Variants in GSDMA observed in about 807,000 individuals in gnomAD.
GSDMA encodes gasdermin A.
Under a neutral mutation model 54.3 loss-of-function variants are expected in GSDMA, and 55 were observed. The ratio of observed to expected loss-of-function variants is 1.01; its 90% confidence interval spans 0.82 to 1.27. GSDMA has a LOEUF of 1.27. Among genes scored for constraint, GSDMA ranks in the 50% most tolerant of loss-of-function variants. The probability of loss-of-function intolerance (pLI) is 0.00; values close to 1 mark genes in which losing one functional copy is unlikely to be tolerated. For missense variants in GSDMA, 542 were observed against 542.6 expected (o/e 1.00, Z 0.01); for synonymous variants, 211 against 224.7 (o/e 0.94, Z 0.54).
rs1433354937 is a variant in GSDMA, at chr17:39,977,077, T to G, written c.*19T>G. The G allele has an allele frequency of 4.3e-6, 7 of 1,613,380 alleles. No individual in the cohort carries two copies. Among genetic ancestry groups the G allele is most frequent in the Non-Finnish European group, 5.9e-6 (7 of 1,179,550 alleles). ...CTCCTAATTTGCCTTTTACGTCTGCTTCATGACTCCCTAATGCCTTCCCAA... is the reference window on the plus strand; with the variant it reads ...CTCCTAATTTGCCTTTTACGTCTGCGTCATGACTCCCTAATGCCTTCCCAA... On this transcript the variant is annotated 3_prime_UTR_variant, in exon 12 of 12. Coordinates refer to ENST00000301659, the MANE Select transcript of GSDMA (RefSeq NM_178171.5).
In GSDMA at chr17:39,966,192, G is replaced by A. The variant is rs966188921; in HGVS notation, c.215-68G>A. 1.3e-5 allele frequency: 20 copies of A among 1,546,196 alleles called. 1 individual carries two copies. In the Middle Eastern group the frequency reaches 6.9e-4, roughly 53 times the overall value. ...TCCTTCCACCTTGGCCTCCCAAAATGCTGGGATTACAGGCATGAGTTACTG... is the reference window on the plus strand; with the variant it reads ...TCCTTCCACCTTGGCCTCCCAAAATACTGGGATTACAGGCATGAGTTACTG... On this transcript the variant is annotated intron_variant, in intron 2 of 11. Coordinates refer to ENST00000301659, the MANE Select transcript of GSDMA (RefSeq NM_178171.5).
intron 2 of GSDMA, 122 bp downstream of exon 2, chr17:39,966,023 AGTC>A: frequency 1.1e-6 from 1 of 927,222 alleles, no homozygotes; most frequent in Non-Finnish European, 1.6e-6. Context: ...TCTAGCCCAA[AGTC>A]ATCATCAGGA....
At position 39,965,694 on chromosome 17, in the gene GSDMA, A is replaced by C; in HGVS notation, c.7A>C (p.Met3Leu). 1.2e-6 allele frequency: 2 copies of C among 1,603,888 alleles called. No individual in the cohort carries two copies. The change falls in exon 2 of 12, where the codon ATG becomes CTG. Residue 3 changes from methionine (M) to leucine (L), a missense_variant. Physicochemically the swap from Met to Leu is conservative, Grantham distance 15 (BLOSUM62 2). Transcript: ENST00000301659. Reference protein sequence around the residue: MTMFENVTRALAR... With the variant: MTLFENVTRALAR... Reference sequence around the variant, plus strand: ...CCCCACCTCCACAGAGACAATGACCATGTTTGAAAATGTCACCCGGGCCCT... The same window carrying C: ...CCCCACCTCCACAGAGACAATGACCCTGTTTGAAAATGTCACCCGGGCCCT...
intron 3 of GSDMA, among the ~76,000 whole-genome samples, chr17:39,966,992 C>G (rs1598302872): frequency 2.0e-5 from 1 of 50,160 alleles, no homozygotes; most frequent in South Asian, 6.8e-4. Flanking sequence ...CTGGGCACCA[C>G]CGGATGTTTG....
chr17:39,965,904 CA>C lies in GSDMA; in HGVS notation c.214+4del, dbSNP rs1271111918. On this transcript the variant is annotated splice_donor_region_variant and intron_variant, in intron 2 of 11. Transcript: ENST00000301659. ...TGAGCCCGGCAGCTCACCTTCAGGT[CA>C]GCCTCAAGCGGGGCTGGGAACTGAG... is the stretch of plus-strand genomic sequence containing the variant. 1 of 1,551,160 alleles carries C rather than the reference CA, an allele frequency of 6.4e-7. No individual in the cohort carries two copies. Among genetic ancestry groups the C allele is most frequent in the Non-Finnish European group, 8.7e-7 (1 of 1,147,376 alleles).
At chr17:39,969,426 A>T (rs1979829373) in intron 3 of GSDMA, among the ~76,000 whole-genome samples, 1 of 152,010 alleles carries the variant, frequency 6.6e-6, no homozygotes, top group East Asian at 1.9e-4. Flanking sequence ...CAGGACTGAG[A>T]ACAGAATCTT....
intron 3 of GSDMA, among the ~76,000 whole-genome samples, chr17:39,968,882 C>A (rs1473460959): frequency 6.6e-6 from 1 of 152,142 alleles, no homozygotes; most frequent in Non-Finnish European, 1.5e-5. Context: ...AGGTGACAAA[C>A]AGGAAGACAC....
chr17:39,972,269 A>G lies in GSDMA; in HGVS notation c.703+93A>G, dbSNP rs2144793486. On this transcript the variant is annotated intron_variant, in intron 6 of 11. Transcript: ENST00000301659. The stretch of plus-strand genomic sequence containing the variant: ...TCCACCCTCTCCTAGCTTATACTAT[A>G]ATCCCCCAAGGAGCCTCTGCTTTTG... 3 of 896,792 alleles carry G rather than the reference A, an allele frequency of 3.3e-6. No homozygotes were observed. The South Asian group carries it at 4.4e-5, about 13-fold the overall frequency. 55.6% of individuals were successfully genotyped at this position (896,792 alleles called of 1,614,324 possible). A position where few individuals can be genotyped will look rare whatever the true frequency, so the allele number is the denominator to read the frequency against.
rs368752196 is a variant in GSDMA at position 39,974,301 on chromosome 17, A to T, written c.780A>T (p.Leu260=). Residue 260 remains leucine (L), a synonymous_variant, in exon 9 of 12, where the codon CTA becomes CTT. Coordinates refer to ENST00000301659, the MANE Select transcript of GSDMA (RefSeq NM_178171.5). ...ACGTACACGAAGGCTTCAGGACACT[A>T]AAAGAAGAAGTTCAGAGAGAGACCC... ...VGDVHEGFRT[L]KEEVQRETQQ... is the part of the protein sequence containing the mutation. 9.3e-6 allele frequency: 15 copies of T among 1,611,562 alleles called. No individual in the cohort carries two copies. Among genetic ancestry groups the T allele is most frequent in the Non-Finnish European group, 1.1e-5 (13 of 1,178,994 alleles).
At chr17:39,971,798 C>G (rs1979958281) in intron 5 of GSDMA, among the ~76,000 whole-genome samples, 178 bp downstream of exon 5, 1 of 152,150 alleles carries the variant, frequency 6.6e-6, no homozygotes, top group Non-Finnish European at 1.5e-5. Context: ...CTCCTGGATT[C>G]TGAGCATCTT....
In GSDMA at chr17:39,965,736, C is replaced by A; in HGVS notation, c.49C>A (p.Pro17Thr). 6.2e-7 allele frequency: 1 copy of A among 1,611,858 alleles called. No homozygotes were observed. The highest frequency in any genetic ancestry group is 8.5e-7 in the Non-Finnish European group (1 of 1,179,058). ...CCGGGCCCTGGCCAGACAGCTAAAC[C>A]CTCGAGGGGACCTGACACCACTTGA... is the stretch of plus-strand genomic sequence containing the variant. ...VTRALARQLN[P>T]RGDLTPLDSL... Residue 17 changes from proline (P) to threonine (T), a missense_variant, in exon 2 of 12, where the codon CCT becomes ACT. Physicochemically the swap from Pro to Thr is conservative, Grantham distance 38. Transcript: ENST00000301659.
intron 8 of GSDMA, 82 bp downstream of exon 8, chr17:39,973,912 C>A: frequency 7.9e-7 from 1 of 1,260,272 alleles, no homozygotes; most frequent in Non-Finnish European, 1.1e-6. Flanking sequence ...CGAAGTCATT[C>A]TTTGTCAGCT....
chr17:39,973,695 T>C, intron 7 of GSDMA, 115 bp from the exon 8 acceptor site: 1 of 856,334 alleles, frequency 1.2e-6, no homozygotes, highest in Non-Finnish European at 1.8e-6. Flanking sequence ...AGCTGGGCTC[T>C]CCCAGGAGAC....
rs1243055044 is a variant in GSDMA at position 39,965,878 on chromosome 17, T to A, written c.191T>A (p.Leu64His). 2 of 1,556,212 alleles carry A rather than the reference T, an allele frequency of 1.3e-6. No homozygotes were observed. The highest frequency in any genetic ancestry group is 2.7e-5 in the African/African-American group (2 of 73,218). The change falls in exon 2 of 12, where the codon CTT becomes CAT. Residue 64 changes from leucine (L) to histidine (H), a missense_variant. Physicochemically the swap from Leu to His is moderately conservative, Grantham distance 99. Coordinates refer to ENST00000301659, the MANE Select transcript of GSDMA (RefSeq NM_178171.5). ...VRTDYTLLDV[L>H]EPGSSPSDPT... ...ACCGACTACACGCTGCTGGATGTGC[T>A]TGAGCCCGGCAGCTCACCTTCAGGT...
At chr17:39,965,461 T>C (rs1193369267) in intron 1 of GSDMA, 3 of 546,984 alleles carry the variant, frequency 5.5e-6, no homozygotes, top group African/African-American at 3.8e-5. Flanking sequence ...CTGTGGGACT[T>C]TGGGGCAACT....
intron 1 of GSDMA, among the ~76,000 whole-genome samples, chr17:39,964,755 C>T (rs544251851): frequency 6.6e-6 from 1 of 152,252 alleles, no homozygotes; most frequent in African/African-American, 2.4e-5. Flanking sequence ...AGCAGCATCT[C>T]CTTCCCTCCC....
intron 3 of GSDMA, among the ~76,000 whole-genome samples, chr17:39,968,538 G>A (rs1004901955): frequency 6.6e-6 from 1 of 150,844 alleles, no homozygotes; most frequent in African/African-American, 2.4e-5. Flanking sequence ...GGAAGAGATG[G>A]GGTTTTACCA....
Position 39,966,262 on chromosome 17 carries a change from C to T in GSDMA, c.217C>T (p.Pro73Ser), listed in dbSNP as rs750451624. The T allele has an allele frequency of 4.3e-6, 7 of 1,613,862 alleles. No homozygotes were observed. The highest frequency in any genetic ancestry group is 5.9e-6 in the Non-Finnish European group (7 of 1,179,862). The change falls in exon 3 of 12, where the codon CCA becomes TCA. Residue 73 changes from proline to serine, a missense_variant and splice_region_variant. Coordinates refer to ENST00000301659, the MANE Select transcript of GSDMA (RefSeq NM_178171.5). ...CTTTTGTCTTTTCCCTCCTGCAGAC[C>T]CAACAGACACTGGGAATTTTGGCTT... ...VLEPGSSPSD[P>S]TDTGNFGFKN...
Position 39,974,300 on chromosome 17 carries a change from T to G in GSDMA, c.779T>G (p.Leu260Arg). 6.2e-7 allele frequency: 1 copy of G among 1,611,570 alleles called. No homozygotes were observed. The highest frequency in any genetic ancestry group is 2.2e-5 in the East Asian group (1 of 44,842). Reference sequence around the variant, plus strand: ...GACGTACACGAAGGCTTCAGGACACTAAAAGAAGAAGTTCAGAGAGAGACC... The same window carrying G: ...GACGTACACGAAGGCTTCAGGACACGAAAAGAAGAAGTTCAGAGAGAGACC... ...VGDVHEGFRT[L>R]KEEVQRETQQ... Residue 260 changes from leucine to arginine, a missense_variant, in exon 9 of 12, where the codon CTA (leucine) becomes CGA (arginine). Coordinates refer to ENST00000301659, the MANE Select transcript of GSDMA (RefSeq NM_178171.5).
Sources: gnomAD v4.1 joint callset for allele counts (sites outside exome capture counted in the v4.1 genomes callset) on GRCh38, gnomAD v4.1.1 for gene constraint, MANE v1.5 for transcripts, NCBI Gene and HGNC (gene_info 2026-07-23, HGNC 2026-07-21) for gene names.